STXBP5L: variants seen among roughly 807,000 people sequenced by gnomAD.
The protein encoded by STXBP5L is syntaxin binding protein 5L.
Under a neutral mutation model 144.5 loss-of-function variants are expected in STXBP5L, and 65 were observed. That is an observed-to-expected ratio of 0.45 (90% CI 0.37 to 0.55). The LOEUF is 0.55. STXBP5L is among the 20% of genes least tolerant of loss of function. The pLI is 0.00. For synonymous variants in STXBP5L, 505 were observed against 469.6 expected, an observed-to-expected ratio of 1.08 and a Z score of -0.97; for missense variants, 1,298 against 1,405.5, an observed-to-expected ratio of 0.92 and a Z score of 1.22.
rs527330391 is a variant in STXBP5L, at chr3:121,165,036, C to CA, written c.877+7416dup. 4.6e-4 allele frequency among the ~76,000 whole-genome samples: 70 copies of CA among 151,784 alleles called. 1 individual carries two copies. In the South Asian group the frequency reaches 0.012, roughly 27 times the overall value. ...TAAGAATTTTAGCTGTTTTTGCCAC[C>CA]AAAAAAATGGTTAAATATGGGAGAT... On this transcript the variant is annotated intron_variant, in intron 9 of 26. Transcript: ENST00000471454.
At chr3:120,988,506 A>G (rs1559959790) in intron 3 of STXBP5L, among the ~76,000 whole-genome samples, 2 of 151,848 alleles carry the variant, frequency 1.3e-5, no homozygotes, top group East Asian at 1.9e-4. Flanking sequence ...AGTTTTTGAG[A>G]TTTGTTTTAT....
At chr3:121,169,828 G>A (rs1199497684) in intron 9 of STXBP5L, among the ~76,000 whole-genome samples, 1 of 152,160 alleles carries the variant, frequency 6.6e-6, no homozygotes. Context: ...CTTGAACTCA[G>A]CTCTGGACCA....
At chr3:121,385,118 C>T (rs962458847) in intron 22 of STXBP5L, among the ~76,000 whole-genome samples, 1 of 152,010 alleles carries the variant, frequency 6.6e-6, no homozygotes, top group Non-Finnish European at 1.5e-5. Flanking sequence ...AATTCATTCT[C>T]CTTACCCCAG....
At chr3:121,077,557 G>A (rs1044265094) in intron 5 of STXBP5L, among the ~76,000 whole-genome samples, 1 of 152,122 alleles carries the variant, frequency 6.6e-6, no homozygotes, top group Non-Finnish European at 1.5e-5. Flanking sequence ...AAAGAACAAA[G>A]CTTCCACAGT....
intron 5 of STXBP5L, among the ~76,000 whole-genome samples, chr3:121,052,037 G>T (rs979650345): frequency 6.6e-6 from 1 of 152,170 alleles, no homozygotes; most frequent in African/African-American, 2.4e-5. Flanking sequence ...CCAGGGAGAC[G>T]TTGAATATCT....
intron 18 of STXBP5L, among the ~76,000 whole-genome samples, chr3:121,276,292 T>C (rs2050884096): frequency 6.6e-6 from 1 of 152,052 alleles, no homozygotes; most frequent in Non-Finnish European, 1.5e-5. Context: ...AGCATGCTTC[T>C]ATTTATCCTC....
At chr3:121,347,323 G>T (rs1323662304) in intron 20 of STXBP5L, among the ~76,000 whole-genome samples, 1 of 152,042 alleles carries the variant, frequency 6.6e-6, no homozygotes, top group Non-Finnish European at 1.5e-5. Flanking sequence ...TCTCTGTTTT[G>T]GTACCAGTAC....
At chr3:121,029,713 G>A (rs771127127) in intron 3 of STXBP5L, among the ~76,000 whole-genome samples, 13 of 151,996 alleles carry the variant, frequency 8.6e-5, no homozygotes, top group Non-Finnish European at 1.8e-4. Context: ...ATTCTGCACA[G>A]CAAAAGAAAC....
intron 20 of STXBP5L, among the ~76,000 whole-genome samples, chr3:121,343,930 T>G (rs1202253543): frequency 6.8e-6 from 1 of 147,932 alleles, no homozygotes; most frequent in Non-Finnish European, 1.5e-5. Context: ...AAAAAGAGCC[T>G]GCATCACCAA....
intron 5 of STXBP5L, among the ~76,000 whole-genome samples, 193 bp downstream of exon 5, chr3:121,045,728 T>C (rs1179451939): frequency 1.3e-5 from 2 of 152,164 alleles, no homozygotes; most frequent in African/African-American, 4.8e-5. Flanking sequence ...CACCTACTAA[T>C]GCAGTGTTTA....
intron 20 of STXBP5L, among the ~76,000 whole-genome samples, chr3:121,355,473 G>A (rs2045472984): frequency 6.6e-6 from 1 of 152,024 alleles, no homozygotes; most frequent in South Asian, 2.1e-4. Flanking sequence ...CCACTTGATC[G>A]AATCAGCTAT....
In STXBP5L at chr3:121,293,597, C is replaced by T. The variant is rs113352471; in HGVS notation, c.2110+13641C>T. ...GTTCTAGGCCAGGTGCGGTGGCTCA[C>T]GCCTGCAATCCCAACACTTTGGGAG... On this transcript the variant is annotated intron_variant, in intron 19 of 26. Coordinates refer to ENST00000471454, the MANE Select transcript of STXBP5L (RefSeq NM_001308330.2). 6.8e-3 allele frequency among the ~76,000 whole-genome samples: 1,030 copies of T among 152,298 alleles called. 7 individuals carry two copies. The highest frequency in any genetic ancestry group is 0.013 in the South Asian group (64 of 4,828).
intron 3 of STXBP5L, among the ~76,000 whole-genome samples, chr3:120,972,841 T>C (rs1488624021): frequency 2.0e-5 from 3 of 152,292 alleles, no homozygotes; most frequent in Middle Eastern, 3.4e-3. Context: ...AGTTTTTATG[T>C]TTTTAATTCA....
intron 20 of STXBP5L, among the ~76,000 whole-genome samples, chr3:121,377,333 A>C (rs1449364681): frequency 2.0e-5 from 3 of 152,224 alleles, no homozygotes; most frequent in Non-Finnish European, 4.4e-5. Flanking sequence ...AACATTGACA[A>C]ATGTGATCTA....
intron 3 of STXBP5L, among the ~76,000 whole-genome samples, chr3:120,989,771 A>G (rs1468177240): frequency 1.3e-5 from 2 of 152,124 alleles, no homozygotes; most frequent in African/African-American, 2.4e-5. Flanking sequence ...TTATCATTAC[A>G]TAATGTTTTC....
At chr3:121,351,677 G>C (rs893931289) in intron 20 of STXBP5L, among the ~76,000 whole-genome samples, 7 of 152,128 alleles carry the variant, frequency 4.6e-5, no homozygotes, top group Admixed American at 1.3e-4. Flanking sequence ...TTGCTGTGCA[G>C]AAGCTCTTTA....
intron 5 of STXBP5L, among the ~76,000 whole-genome samples, chr3:121,107,728 G>GTT (rs149654510): frequency 2.0e-5 from 3 of 151,996 alleles, no homozygotes; most frequent in African/African-American, 7.3e-5. Flanking sequence ...TTTTAAAGTA[G>GTT]TTTTTTCTAA....
chr3:121,296,045 G>A (rs1395853219), intron 19 of STXBP5L, among the ~76,000 whole-genome samples: 1 of 152,098 alleles, frequency 6.6e-6, no homozygotes, highest in African/African-American at 2.4e-5. Flanking sequence ...CAGTAGCCAG[G>A]AAATCATATT....
In STXBP5L at chr3:121,190,263, G is replaced by A. The variant is rs561217802; in HGVS notation, c.878-15660G>A. Among the ~76,000 whole-genome samples, 215 of 152,236 alleles carry A rather than the reference G, an allele frequency of 1.4e-3. 3 individuals are homozygous for A. Among genetic ancestry groups the A allele is most frequent in the Admixed American group, 3.8e-3 (58 of 15,288 alleles). On this transcript the variant is annotated intron_variant, in intron 9 of 26. Transcript: ENST00000471454. Reference sequence around the variant, plus strand: ...GATTAGGGAGTGGTGATGACTCTTAGCGAGCACGCTGCCTTCAAGCATCTG... The same window carrying A: ...GATTAGGGAGTGGTGATGACTCTTAACGAGCACGCTGCCTTCAAGCATCTG...
Sources: allele counts gnomAD v4.1 joint callset (sites outside exome capture counted in the v4.1 genomes callset), GRCh38; gene constraint gnomAD v4.1.1; transcripts MANE v1.5; gene names NCBI Gene and HGNC (gene_info 2026-07-23, HGNC 2026-07-21).